Variants in PVT1 observed in about 807,000 individuals in gnomAD.
PVT1 encodes Pvt1 oncogene, also known as CXCR4/PVT1 fusion.
At chr8:127,895,875 A>G (rs1815668122) in intron 3 of PVT1, among the ~76,000 whole-genome samples, 1 of 152,238 alleles carries the variant, frequency 6.6e-6, no homozygotes, top group Non-Finnish European at 1.5e-5. Flanking sequence ...GTATCTGGAA[A>G]GTAGCCATAG....
chr8:127,831,147 CTCTCTCTCTA>C (rs1373003798), intron 2 of PVT1, among the ~76,000 whole-genome samples: 1 of 145,240 alleles, frequency 6.9e-6, no homozygotes, highest in Non-Finnish European at 1.5e-5. Flanking sequence ...CTATCTCTCT[CTCTCTCTCTA>C]TATATATATA....
At chr8:127,956,975 CTATCAT>C (rs1462709027) in intron 3 of PVT1, among the ~76,000 whole-genome samples, 1 of 152,180 alleles carries the variant, frequency 6.6e-6, no homozygotes. Flanking sequence ...ATCATCATCA[CTATCAT>C]TATCACTTTT....
At chr8:128,045,877 A>AT (rs1255261779) in intron 4 of PVT1, among the ~76,000 whole-genome samples, 9 of 152,088 alleles carry the variant, frequency 5.9e-5, no homozygotes, top group Admixed American at 2.6e-4. Flanking sequence ...TGCCTAGAGG[A>AT]TTTTTTAAAT....
chr8:128,093,235 A>G (rs1814383171), intron 5 of PVT1, among the ~76,000 whole-genome samples: 1 of 152,218 alleles, frequency 6.6e-6, no homozygotes, highest in Non-Finnish European at 1.5e-5. Context: ...GGGGATAAGC[A>G]TTGTAAATAA....
chr8:127,812,563 A>C (rs1412467070), intron 2 of PVT1, among the ~76,000 whole-genome samples: 1 of 150,520 alleles, frequency 6.6e-6, no homozygotes, highest in Non-Finnish European at 1.5e-5. Context: ...TTGTCAAAAA[A>C]AGAAAAGAAA....
intron 3 of PVT1, among the ~76,000 whole-genome samples, chr8:127,933,225 G>A (rs554820827): frequency 9.2e-5 from 14 of 152,224 alleles, no homozygotes; most frequent in South Asian, 2.1e-4. Context: ...ACAGGCATGC[G>A]CCACCATATC....
chr8:127,955,259 A>G (rs1472689427), intron 3 of PVT1, among the ~76,000 whole-genome samples: 1 of 152,210 alleles, frequency 6.6e-6, no homozygotes, highest in African/African-American at 2.4e-5. Context: ...TCTGCAAGCC[A>G]AAGAGAGGCC....
chr8:127,995,959 C>A (rs1340241692), intron 4 of PVT1, among the ~76,000 whole-genome samples: 1 of 151,842 alleles, frequency 6.6e-6, no homozygotes, highest in Admixed American at 6.6e-5. Flanking sequence ...ATGAGAGGAC[C>A]ATTTGCTAAA....
intron 3 of PVT1, among the ~76,000 whole-genome samples, chr8:127,953,050 C>T (rs1816526611): frequency 1.3e-5 from 2 of 152,192 alleles, no homozygotes; most frequent in Admixed American, 1.3e-4. Flanking sequence ...AGGCGTGAGC[C>T]ACCGCGTCCG....
At chr8:128,054,268 C>A (rs183582542) in intron 4 of PVT1, among the ~76,000 whole-genome samples, 1 of 152,240 alleles carries the variant, frequency 6.6e-6, no homozygotes, top group East Asian at 1.9e-4. Flanking sequence ...ATGATGCACT[C>A]TGTACCCCAC....
At chr8:127,980,558 C>T (rs992339496) in intron 3 of PVT1, among the ~76,000 whole-genome samples, 1 of 152,048 alleles carries the variant, frequency 6.6e-6, no homozygotes, top group Non-Finnish European at 1.5e-5. Context: ...GGAGGGGGCT[C>T]TCTGTTGCAG....
chr8:128,084,812 A>C (rs560985863), intron 5 of PVT1, among the ~76,000 whole-genome samples: 15 of 152,334 alleles, frequency 9.8e-5, no homozygotes, highest in African/African-American at 3.6e-4. Context: ...TTCCAAAGTG[A>C]ATACATGAAA....
chr8:127,889,873 G>A (rs907336227), intron 2 of PVT1, among the ~76,000 whole-genome samples: 1 of 152,192 alleles, frequency 6.6e-6, no homozygotes, highest in African/African-American at 2.4e-5. Flanking sequence ...GACAGTTATT[G>A]TTATCATTGG....
chr8:127,849,608 T>C (rs926652033), intron 2 of PVT1, among the ~76,000 whole-genome samples: 1 of 152,006 alleles, frequency 6.6e-6, no homozygotes, highest in Non-Finnish European at 1.5e-5. Flanking sequence ...AGAGAAAGAC[T>C]GCGTGCATGT....
At chr8:127,929,147 T>C (rs926440813) in intron 3 of PVT1, among the ~76,000 whole-genome samples, 3 of 151,628 alleles carry the variant, frequency 2.0e-5, no homozygotes, top group Non-Finnish European at 4.4e-5. Context: ...TGGCATTGCA[T>C]GAAAGGTCTT....
intron 3 of PVT1, among the ~76,000 whole-genome samples, chr8:127,986,000 AC>A (rs1816965993): frequency 6.6e-6 from 1 of 152,084 alleles, no homozygotes; most frequent in East Asian, 1.9e-4. Flanking sequence ...GCATCCAAGA[AC>A]TGGTAGCAGA....
At chr8:127,974,667 C>T (rs1586462884) in intron 3 of PVT1, among the ~76,000 whole-genome samples, 2 of 152,130 alleles carry the variant, frequency 1.3e-5, no homozygotes, top group East Asian at 1.9e-4. Flanking sequence ...CCACCTGCCT[C>T]GGCCTCCCAA....
At chr8:127,856,239 A>G (rs1326358635) in intron 2 of PVT1, among the ~76,000 whole-genome samples, 2 of 151,942 alleles carry the variant, frequency 1.3e-5, no homozygotes, top group Non-Finnish European at 2.9e-5. Flanking sequence ...CTTAGGGGGT[A>G]TGCTGGGGTG....
intron 5 of PVT1, among the ~76,000 whole-genome samples, chr8:128,072,409 A>T (rs1563680482): frequency 6.6e-6 from 1 of 152,174 alleles, no homozygotes; most frequent in African/African-American, 2.4e-5. Context: ...CCACCTCCTT[A>T]TTTTTAAAAT....
Sources: gnomAD v4.1 joint callset for allele counts (sites outside exome capture counted in the v4.1 genomes callset) on GRCh38, gnomAD v4.1.1 for gene constraint, MANE v1.5 for transcripts, NCBI Gene and HGNC (gene_info 2026-07-23, HGNC 2026-07-21) for gene names.